The following PSMD11 variants were observed in gnomAD, a reference collection of about 807,000 sequenced individuals.
PSMD11 encodes the protein proteasome 26S subunit, non-ATPase 11.
PSMD11 carries 5 observed loss-of-function variants against 62.3 expected under a neutral mutation model. The observed-to-expected ratio is 0.08, with a 90% CI of 0.04 to 0.17. PSMD11 has a LOEUF of 0.17. Ranked by LOEUF, PSMD11 falls within the 10% of genes least tolerant of loss-of-function variation. The pLI, the probability that PSMD11 is intolerant of heterozygous loss-of-function variation, is 1.00. For missense variants in PSMD11, 310 were observed against 512.9 expected, an observed-to-expected ratio of 0.60 and a Z score of 3.82; for synonymous variants, 191 against 191.8, an observed-to-expected ratio of 1.00 and a Z score of 0.03.
At chr17:32,449,015 TGGG>T (rs953807204) in intron 2 of PSMD11, among the ~76,000 whole-genome samples, 6 of 152,156 alleles carry the variant, frequency 3.9e-5, no homozygotes, top group Non-Finnish European at 8.8e-5. Context: ...AATTTGAGCT[TGGG>T]GGGTTCCAAA....
chr17:32,464,966 A>T (rs1244026856), intron 5 of PSMD11, among the ~76,000 whole-genome samples: 2 of 152,118 alleles, frequency 1.3e-5, no homozygotes, highest in Non-Finnish European at 2.9e-5. Context: ...CTGCTTATAT[A>T]CTTAAAATCT....
chr17:32,479,675 GT>G (rs1470059924), intron 10 of PSMD11, 175 bp from the exon 11 acceptor site: 1 of 757,680 alleles, frequency 1.3e-6, no homozygotes, highest in Non-Finnish European at 2.2e-6. Flanking sequence ...TGTTTATTGT[GT>G]GTAGCAGTGA....
chr17:32,449,344 G>A (rs1489288119), intron 2 of PSMD11, among the ~76,000 whole-genome samples: 1 of 152,184 alleles, frequency 6.6e-6, no homozygotes, highest in African/African-American at 2.4e-5. Flanking sequence ...GGTTGAGGCT[G>A]TAGTGAGCTA....
chr17:32,477,394 GA>G, intron 8 of PSMD11, 126 bp from the exon 9 acceptor site: 1 of 704,306 alleles, frequency 1.4e-6, no homozygotes, highest in East Asian at 3.0e-5. Context: ...GTCTGAAGAA[GA>G]ACGATGGTGG....
intron 8 of PSMD11, among the ~76,000 whole-genome samples, chr17:32,475,602 CTT>C (rs1223197720): frequency 1.7e-4 from 23 of 136,790 alleles, no homozygotes; most frequent in Non-Finnish European, 1.6e-4. Context: ...CCCTAATTGG[CTT>C]TTTTTTTTTT....
chr17:32,447,321 C>T, intron 2 of PSMD11: 1 of 294,324 alleles, frequency 3.4e-6, no homozygotes, highest in Non-Finnish European at 6.3e-6. Flanking sequence ...TATTCCCTTA[C>T]ATAGAGGCAG....
At chr17:32,464,724 C>T (rs1034187274) in intron 5 of PSMD11, 146 bp downstream of exon 5, 2 of 545,058 alleles carry the variant, frequency 3.7e-6, no homozygotes, top group East Asian at 6.6e-5. Context: ...CTGCATTTGT[C>T]ATGGGAAAAT....
chr17:32,456,458 C>T (rs1186243434), intron 3 of PSMD11, among the ~76,000 whole-genome samples: 1 of 152,042 alleles, frequency 6.6e-6, no homozygotes, highest in African/African-American at 2.4e-5. Context: ...CTGCAACCCC[C>T]GCCTCCCGGG....
chr17:32,446,938 C>A lies in PSMD11; in HGVS notation c.92-7C>A. ...ATTTTAAGAGGGTTTGCATTTTCCTCTCCCAGTGAAGCGTGACATTCAGGA... is the reference window on the plus strand; with the variant it reads ...ATTTTAAGAGGGTTTGCATTTTCCTATCCCAGTGAAGCGTGACATTCAGGA... On this transcript the variant is annotated splice_polypyrimidine_tract_variant and splice_region_variant and intron_variant, in intron 1 of 13. Transcript: ENST00000261712. The A allele has an allele frequency of 6.2e-7, 1 of 1,600,146 alleles. No individual in the cohort carries two copies. The highest frequency in any genetic ancestry group is 8.5e-7 in the Non-Finnish European group (1 of 1,170,778).
At chr17:32,478,562 GAAATACTAGGGCTAAACA>G (rs1908395857) in intron 9 of PSMD11, among the ~76,000 whole-genome samples, 2 of 152,234 alleles carry the variant, frequency 1.3e-5, no homozygotes, top group South Asian at 2.1e-4. Context: ...AGATATTTGG[GAAATACTAGGGCTAAACA>G]AAATACTAGG....
At position 32,479,975 on chromosome 17, in the gene PSMD11, G is replaced by A. The variant is rs1203477627; in HGVS notation, c.1074+89G>A. On this transcript the variant is annotated intron_variant, in intron 11 of 13. Coordinates refer to ENST00000261712, the MANE Select transcript of PSMD11 (RefSeq NM_002815.4). Reference sequence around the variant, plus strand: ...TGCACCTGATTGGCCTCATTGGAAAGCTCCCCAGCTTCTCAGTGGGGAATG... The same window carrying A: ...TGCACCTGATTGGCCTCATTGGAAAACTCCCCAGCTTCTCAGTGGGGAATG... 24 of 1,518,626 alleles carry A rather than the reference G, an allele frequency of 1.6e-5. No individual in the cohort carries two copies. The Admixed American group carries it at 4.0e-4, about 25-fold the overall frequency. 94.1% of individuals were successfully genotyped at this position (1,518,626 alleles called of 1,614,324 possible).
rs1597847140 is a variant in PSMD11 at position 32,482,670 on chromosome 17, A to C, written c.*1918A>C. 6.6e-6 allele frequency: 1 copy of C among 152,308 alleles called. No homozygotes were observed. The highest frequency in any genetic ancestry group is 1.9e-4 in the East Asian group (1 of 5,204). The allele number at this position is 152,308 out of a possible 1,614,324, so 9.4% of individuals were successfully genotyped here. A position where few individuals can be genotyped will look rare whatever the true frequency, so the allele number is the denominator to read the frequency against. ...TCTGAGCCTACTTTCTCTTCTACTCAGTGAGGATGCTGCTTCCTTGGCAGG... is the reference window on the plus strand; with the variant it reads ...TCTGAGCCTACTTTCTCTTCTACTCCGTGAGGATGCTGCTTCCTTGGCAGG... On this transcript the variant is annotated 3_prime_UTR_variant, in exon 14 of 14. Transcript: ENST00000261712.
chr17:32,480,245 G>C, intron 12 of PSMD11, 48 bp downstream of exon 12: 1 of 1,579,824 alleles, frequency 6.3e-7, no homozygotes, highest in African/African-American at 1.3e-5. Flanking sequence ...GTGATGAGAT[G>C]GTTGAAGAAG....
chr17:32,447,867 GA>G (rs1374890628), intron 2 of PSMD11, among the ~76,000 whole-genome samples: 3 of 147,128 alleles, frequency 2.0e-5, no homozygotes, highest in South Asian at 2.2e-4. Flanking sequence ...GAGAACTAAA[GA>G]TTTTTTTTTT....
In PSMD11 at chr17:32,479,272, G is replaced by C. The variant is rs1908420940; in HGVS notation, c.934G>C (p.Glu312Gln). Reference protein sequence around the residue: ...FEKALTDYRAELRDDPIISTH... With the variant: ...FEKALTDYRAQLRDDPIISTH... ...GCAGGCTCTGACAGATTACCGGGCAGAGCTCCGGGATGACCCAATCATCAG... is the reference window on the plus strand; with the variant it reads ...GCAGGCTCTGACAGATTACCGGGCACAGCTCCGGGATGACCCAATCATCAG... The change falls in exon 10 of 14, where the codon GAG (glutamate) becomes CAG (glutamine). Residue 312 changes from glutamate to glutamine, a missense_variant. This residue lies in a region of PSMD11 where 135 missense variants were observed against 195.4 expected (regional missense o/e 0.69). Coordinates refer to ENST00000261712, the MANE Select transcript of PSMD11 (RefSeq NM_002815.4). 6.2e-7 allele frequency: 1 copy of C among 1,614,062 alleles called. No homozygotes were observed. The highest frequency in any genetic ancestry group is 1.3e-5 in the African/African-American group (1 of 74,926).
intron 6 of PSMD11, among the ~76,000 whole-genome samples, chr17:32,471,076 A>G (rs926937683): frequency 6.6e-6 from 1 of 152,166 alleles, no homozygotes; most frequent in Non-Finnish European, 1.5e-5. Flanking sequence ...ATGTATCTCG[A>G]TGTGAAAGAT....
intron 3 of PSMD11, among the ~76,000 whole-genome samples, chr17:32,458,883 A>G (rs1420559592): frequency 1.3e-5 from 2 of 152,094 alleles, no homozygotes; most frequent in Non-Finnish European, 2.9e-5. Context: ...TTACCTCCTC[A>G]GAGACTTTCC....
chr17:32,474,195 C>G, intron 7 of PSMD11: 1 of 534,886 alleles, frequency 1.9e-6, no homozygotes, highest in Non-Finnish European at 3.3e-6. Flanking sequence ...TTCTCCTCAT[C>G]CTTTAAATAT....
intron 3 of PSMD11, among the ~76,000 whole-genome samples, chr17:32,458,440 C>T (rs1050119834): frequency 6.6e-6 from 1 of 152,190 alleles, no homozygotes; most frequent in Non-Finnish European, 1.5e-5. Context: ...CTTTCTCTTC[C>T]ATAGTCTTAT....
Sources: gnomAD v4.1 joint callset for allele counts (sites outside exome capture counted in the v4.1 genomes callset) on GRCh38, gnomAD v4.1.1 for gene constraint, gnomAD v4.1.1 regional missense constraint, MANE v1.5 for transcripts, NCBI Gene and HGNC (gene_info 2026-07-23, HGNC 2026-07-21) for gene names.